Variants in GOLGA8A observed in about 807,000 individuals in gnomAD.
GOLGA8A encodes golgin subfamily A member 8A.
A neutral mutation model predicts 22.1 loss-of-function variants in GOLGA8A; 3 were observed. The observed-to-expected ratio is 0.14, with a 90% confidence interval of 0.06 to 0.35. GOLGA8A has a LOEUF of 0.35. GOLGA8A is among the 10% of genes least tolerant of loss of function. The pLI, the probability that GOLGA8A is intolerant of heterozygous loss-of-function variation, is 1.00. For missense variants in GOLGA8A, 16 were observed against 233.2 expected (o/e 0.07, Z 6.07); for synonymous variants, 7 against 91.7 (o/e 0.08, Z 5.28).
chr15:34,423,679 C>G (rs1892869575), intron 2 of GOLGA8A, among the ~76,000 whole-genome samples: 1 of 148,478 alleles, frequency 6.7e-6, no homozygotes, highest in South Asian at 2.2e-4. Context: ...AGGGCCTCCC[C>G]TGGGGCCATG....
intron 2 of GOLGA8A, among the ~76,000 whole-genome samples, chr15:34,423,506 A>G (rs1217750569): frequency 1.3e-5 from 2 of 148,282 alleles, no homozygotes; most frequent in Admixed American, 1.4e-4. Context: ...TGTGCAAAAT[A>G]ACAAAATCTA....
At chr15:34,421,637 G>A (rs1248649496) in intron 2 of GOLGA8A, among the ~76,000 whole-genome samples, 2 of 143,770 alleles carry the variant, frequency 1.4e-5, no homozygotes, top group Non-Finnish European at 3.0e-5. Flanking sequence ...TCAGCTCAGG[G>A]GTCCACGACA....
intron 2 of GOLGA8A, among the ~76,000 whole-genome samples, chr15:34,426,981 T>A (rs1052330527): frequency 6.8e-6 from 1 of 146,582 alleles, no homozygotes; most frequent in Non-Finnish European, 1.5e-5. Flanking sequence ...CAGCCTCTAG[T>A]TGTTAAAGAC....
chr15:34,426,582 T>C (rs1892992496), intron 2 of GOLGA8A, among the ~76,000 whole-genome samples: 1 of 145,486 alleles, frequency 6.9e-6, no homozygotes, highest in Non-Finnish European at 1.5e-5. Context: ...CAGAAACAGA[T>C]ATTTAAAGGA....
At chr15:34,433,440 A>G (rs1052654124) in intron 2 of GOLGA8A, among the ~76,000 whole-genome samples, 3 of 149,336 alleles carry the variant, frequency 2.0e-5, no homozygotes, top group Non-Finnish European at 4.5e-5. Flanking sequence ...ATCTCAGTGC[A>G]CAGTAAGAAA....
rs1425641597 is a variant in GOLGA8A at position 34,402,111 on chromosome 15, A to AT, written c.-574-1353dup. Among the ~76,000 whole-genome samples, 4 of 39,564 alleles carry AT rather than the reference A, an allele frequency of 1.0e-4. No homozygotes were observed. The South Asian group carries it at 1.8e-3, about 18-fold the overall frequency. 26.0% of individuals were successfully genotyped at this position (39,564 alleles called of 152,430 possible). A position where few individuals can be genotyped will look rare whatever the true frequency, so the allele number is the denominator to read the frequency against. ...CAAAAAACAGTTCAAACAAAAAGAT[A>AT]TTTTTTTTTCAACTAACTCAAAAAT... is the stretch of plus-strand genomic sequence containing the variant. On this transcript the variant is annotated intron_variant, in intron 5 of 24. Transcript: ENST00000359187.
chr15:34,436,729 G>A (rs1893533984), intron 1 of GOLGA8A, among the ~76,000 whole-genome samples: 1 of 149,790 alleles, frequency 6.7e-6, no homozygotes, highest in African/African-American at 2.5e-5. Flanking sequence ...TTCACCATCT[G>A]CGGCCAGATC....
chr15:34,424,402 G>T (rs932567376), intron 2 of GOLGA8A, among the ~76,000 whole-genome samples: 1 of 139,792 alleles, frequency 7.2e-6, no homozygotes, highest in Non-Finnish European at 1.6e-5. Flanking sequence ...AAAAAAGAAA[G>T]GTCGACGATG....
rs553682856 is a variant in GOLGA8A, at chr15:34,418,248, A to G, written c.-1122-10513T>C. The G allele has an allele frequency of 3.9e-4, 52 of 133,620 alleles. 7 individuals carry two copies. Among genetic ancestry groups the G allele is most frequent in the Admixed American group, 1.8e-3 (21 of 11,946 alleles). 8.3% of individuals were successfully genotyped at this position (133,620 alleles called of 1,614,324 possible). On this transcript the variant is annotated intron_variant, in intron 2 of 24. Transcript: ENST00000359187. ...GAAACAGCTGAGTTTTGGAGGGAAC[A>G]CATTCAAACGGTAGCAAATTTAGTA... is the stretch of plus-strand genomic sequence containing the variant.
chr15:34,431,529 T>A (rs1893254164), intron 2 of GOLGA8A, among the ~76,000 whole-genome samples: 1 of 147,538 alleles, frequency 6.8e-6, no homozygotes, highest in Non-Finnish European at 1.5e-5. Flanking sequence ...CACACTAGGT[T>A]ATAGGGTACA....
chr15:34,436,987 C>A (rs1012966857), intron 1 of GOLGA8A, among the ~76,000 whole-genome samples: 1 of 149,478 alleles, frequency 6.7e-6, no homozygotes, highest in South Asian at 2.1e-4. Context: ...GGCACGGGGA[C>A]TTGATGCCGG....
intron 2 of GOLGA8A, chr15:34,420,287 C>G (rs1268619743): frequency 4.2e-5 from 6 of 144,520 alleles, no homozygotes; most frequent in African/African-American, 1.5e-4. Flanking sequence ...TCAACAATCT[C>G]AGTGGAGTGG....
chr15:34,437,145 A>T (rs1893562402), intron 1 of GOLGA8A, among the ~76,000 whole-genome samples: 2 of 146,648 alleles, frequency 1.4e-5, no homozygotes, highest in African/African-American at 5.0e-5. Context: ...GCCATCGCCT[A>T]GTCCCCGCCG....
intron 4 of GOLGA8A, among the ~76,000 whole-genome samples, chr15:34,405,481 C>T (rs188987477): frequency 0.13 from 19,308 of 144,484 alleles, 1,545 homozygotes; most frequent in Non-Finnish European, 0.16. Context: ...ATTTCAGACA[C>T]CCATCACCAC....
At chr15:34,428,564 G>C (rs141901915) in intron 2 of GOLGA8A, 13,236 of 148,548 alleles carry the variant, frequency 0.089, 1,523 homozygotes, top group South Asian at 0.24. Flanking sequence ...TCCACACCAT[G>C]CTAGTGAGAA....
chr15:34,415,928 TTTC>T (rs1347552302), intron 2 of GOLGA8A: 3 of 124,044 alleles, frequency 2.4e-5, no homozygotes, highest in Non-Finnish European at 5.0e-5. Flanking sequence ...TGCCTTGGTG[TTTC>T]TTCATGTGGC....
chr15:34,437,782 T>G lies in GOLGA8A; in HGVS notation c.-1596A>C, dbSNP rs1235877617. Among the ~76,000 whole-genome samples, 5 of 148,430 alleles carry G rather than the reference T, an allele frequency of 3.4e-5. 2 individuals carry two copies. The highest frequency in any genetic ancestry group is 7.5e-5 in the Non-Finnish European group (5 of 66,840). On this transcript the variant is annotated 5_prime_UTR_variant, in exon 1 of 25. Coordinates refer to ENST00000359187, the MANE Select transcript of GOLGA8A (RefSeq NM_181077.5). ...CTCGCGCCTAGCCGCACACCTCGAC[T>G]GCTGATTAGCCCGACAGCTGAATAG...
intron 2 of GOLGA8A, chr15:34,419,779 AGAAG>A (rs1313580302): frequency 8.9e-6 from 1 of 111,846 alleles, no homozygotes. Context: ...GTTAGCCCTA[AGAAG>A]GAAGGAAGTT....
At position 34,380,959 on chromosome 15, in the gene GOLGA8A, GCTCA is replaced by G. The variant is rs1891457810; in HGVS notation, c.*448_*451del. ...AAACCGCATATTGAGCTATAGAAGA[GCTCA>G]CTGTGATTAAGATGAGATCAAACAT... On this transcript the variant is annotated 3_prime_UTR_variant, in exon 25 of 25. Transcript: ENST00000359187. 2 of 323,812 alleles carry G rather than the reference GCTCA, an allele frequency of 6.2e-6. No homozygotes were observed. Among genetic ancestry groups the G allele is most frequent in the Non-Finnish European group, 1.2e-5 (2 of 168,506 alleles). 20.1% of individuals were successfully genotyped at this position (323,812 alleles called of 1,614,324 possible).
Sources: gnomAD v4.1 joint callset for allele counts (sites outside exome capture counted in the v4.1 genomes callset) on GRCh38, gnomAD v4.1.1 for gene constraint, MANE v1.5 for transcripts, NCBI Gene and HGNC (gene_info 2026-07-23, HGNC 2026-07-21) for gene names.